The following AK9 variants were observed in gnomAD, a reference collection of about 807,000 sequenced individuals.
AK9 encodes adenylate kinase domain containing 1.
AK9 carries 191 observed loss-of-function variants against 239.6 expected under a neutral mutation model. That is an observed-to-expected ratio of 0.80 (90% confidence interval 0.71 to 0.90). AK9 has a LOEUF of 0.90. AK9 is among the 40% of genes least tolerant of loss of function. AK9 has a pLI of 0.00. For missense variants in AK9, 1,995 were observed against 2,214.7 expected (o/e 0.90, Z 1.99); for synonymous variants, 689 against 721.0 (o/e 0.96, Z 0.71).
In AK9 at chr6:109,602,133, T is replaced by G. The variant is rs1347315129; in HGVS notation, c.1842+8232A>C. 2.0e-5 allele frequency among the ~76,000 whole-genome samples: 3 copies of G among 152,222 alleles called. No individual in the cohort carries two copies. The East Asian group carries it at 5.8e-4, about 29-fold the overall frequency. On this transcript the variant is annotated intron_variant, in intron 17 of 40. Coordinates refer to ENST00000424296, the MANE Select transcript of AK9 (RefSeq NM_001145128.3). Reference sequence around the variant, plus strand: ...TCCTGTCATTATGATATTAGCTGGTTATTTTGCTCATTAGTTGATAGTTTC... The same window carrying G: ...TCCTGTCATTATGATATTAGCTGGTGATTTTGCTCATTAGTTGATAGTTTC...
chr6:109,603,548 G>A (rs554556914), intron 17 of AK9, among the ~76,000 whole-genome samples: 118 of 152,224 alleles, frequency 7.8e-4, no homozygotes, highest in African/African-American at 2.8e-3. Context: ...CAGTCTGTCC[G>A]TTCTGAGATC....
At chr6:109,641,476 T>C in intron 10 of AK9, 42 bp downstream of exon 10, 1 of 1,491,050 alleles carries the variant, frequency 6.7e-7, no homozygotes. Context: ...GCCCACAACA[T>C]ATATTGAAAA....
intron 20 of AK9, among the ~76,000 whole-genome samples, chr6:109,577,926 T>C (rs200801933): frequency 1.7e-5 from 2 of 115,924 alleles, no homozygotes; most frequent in Non-Finnish European, 3.8e-5. Flanking sequence ...TTCTTTCTTT[T>C]CTTCCTTTCT....
chr6:109,554,441 A>G (rs1784718088), intron 24 of AK9, among the ~76,000 whole-genome samples: 2 of 152,020 alleles, frequency 1.3e-5, no homozygotes, highest in South Asian at 4.2e-4. Context: ...GTATGTGTCC[A>G]GGAATTTATT....
At chr6:109,584,072 T>A (rs1789182778) in intron 19 of AK9, among the ~76,000 whole-genome samples, 1 of 152,204 alleles carries the variant, frequency 6.6e-6, no homozygotes, top group Admixed American at 6.5e-5. Context: ...AAGTACTGTT[T>A]GGTCAATATA....
chr6:109,495,691 A>G (rs1776961077), intron 38 of AK9, among the ~76,000 whole-genome samples: 1 of 152,074 alleles, frequency 6.6e-6, no homozygotes, highest in African/African-American at 2.4e-5. Context: ...TATTTTCCTT[A>G]AACTTCTGAC....
chr6:109,596,797 T>C (rs1278914621), intron 17 of AK9, among the ~76,000 whole-genome samples: 2 of 152,244 alleles, frequency 1.3e-5, no homozygotes, highest in African/African-American at 4.8e-5. Flanking sequence ...AGAGCTGCGA[T>C]AAATATATGA....
rs553154071 is a variant in AK9 at position 109,619,097 on chromosome 6, T to C, written c.1394A>G (p.Lys465Arg). The C allele has an allele frequency of 6.5e-7, 1 of 1,536,898 alleles. No homozygotes were observed. The highest frequency in any genetic ancestry group is 2.5e-5 in the East Asian group (1 of 40,588). Residue 465 changes from lysine to arginine, a missense_variant, in exon 13 of 41, where the codon AAA becomes AGA. Lys to Arg is a conservative substitution (Grantham distance 26). This residue lies in a region of AK9 where 1,290 missense variants were observed against 1,392.7 expected (regional missense o/e 0.93). Coordinates refer to ENST00000424296, the MANE Select transcript of AK9 (RefSeq NM_001145128.3). ...EKLLRELQAR[K>R]QAETALREFQ... ...ATTTTAAAAAGATGTTTCACCTTGTTTTCTAGCTTGCAGTTCCCTGAGAAG... is the reference window on the plus strand; with the variant it reads ...ATTTTAAAAAGATGTTTCACCTTGTCTTCTAGCTTGCAGTTCCCTGAGAAG...
At chr6:109,539,683 T>G (rs184118825) in intron 27 of AK9, among the ~76,000 whole-genome samples, 40 of 152,322 alleles carry the variant, frequency 2.6e-4, no homozygotes, top group Admixed American at 2.0e-3. Flanking sequence ...GGCGCTCTGA[T>G]TTTTAGAATT....
At chr6:109,621,436 T>C (rs1325768661) in intron 12 of AK9, among the ~76,000 whole-genome samples, 4 of 24,346 alleles carry the variant, frequency 1.6e-4, no homozygotes, top group African/African-American at 7.2e-4. Context: ...TAAAGACACA[T>C]GCACACGTAT....
chr6:109,535,929 T>C (rs1186531427), intron 27 of AK9, among the ~76,000 whole-genome samples: 6 of 152,202 alleles, frequency 3.9e-5, no homozygotes, highest in African/African-American at 1.4e-4. Flanking sequence ...TGTGTGGTAT[T>C]ACCTCTGAGG....
intron 32 of AK9, among the ~76,000 whole-genome samples, chr6:109,512,890 C>T (rs142606805): frequency 7.2e-5 from 11 of 152,308 alleles, no homozygotes; most frequent in Admixed American, 3.3e-4. Flanking sequence ...TTGAGACAGG[C>T]TCTCACTCTG....
rs1284765763 is a variant in AK9 at position 109,590,113 on chromosome 6, T to C, written c.1843-4041A>G. Among the ~76,000 whole-genome samples, 4 of 152,176 alleles carry C rather than the reference T, an allele frequency of 2.6e-5. No individual in the cohort carries two copies. The East Asian group carries it at 5.8e-4, about 22-fold the overall frequency. On this transcript the variant is annotated intron_variant, in intron 17 of 40. Transcript: ENST00000424296. ...TTAGGGAGGATTCACTCCTCCTTGA[T>C]GTTTTGGAACAGTTTTAGTAGAATT...
chr6:109,595,767 T>C (rs1790938122), intron 17 of AK9, among the ~76,000 whole-genome samples: 1 of 151,990 alleles, frequency 6.6e-6, no homozygotes, highest in African/African-American at 2.4e-5. Flanking sequence ...AACCAAACAC[T>C]GCATGTTCTC....
intron 24 of AK9, 68 bp from the exon 25 acceptor site, chr6:109,550,370 A>T: frequency 2.9e-6 from 4 of 1,397,726 alleles, no homozygotes; most frequent in East Asian, 2.3e-5. Flanking sequence ...ATAATTTTTT[A>T]AAATGCTTCT....
intron 17 of AK9, among the ~76,000 whole-genome samples, chr6:109,603,467 TGTCA>T (rs1429649826): frequency 6.6e-6 from 1 of 152,138 alleles, no homozygotes; most frequent in African/African-American, 2.4e-5. Context: ...CCGTGTGAGG[TGTCA>T]GTCTGCCCCT....
rs977708082 is a variant in AK9, at chr6:109,564,307, A to C, written c.2435-27T>G. On this transcript the variant is annotated intron_variant, in intron 22 of 40. Coordinates refer to ENST00000424296, the MANE Select transcript of AK9 (RefSeq NM_001145128.3). Reference sequence around the variant, plus strand: ...TTTGGAGTAAAAGACAAAGGAAAGAAAAAAGGGGCTTTAAATATCCTATCT... The same window carrying C: ...TTTGGAGTAAAAGACAAAGGAAAGACAAAAGGGGCTTTAAATATCCTATCT... The C allele has an allele frequency of 1.5e-5, 23 of 1,500,862 alleles. No homozygotes were observed. The Admixed American group carries it at 5.1e-4, about 34-fold the overall frequency. The allele number at this position is 1,500,862 out of a possible 1,614,324, so 93.0% of individuals were successfully genotyped here.
rs1781529502 is a variant in AK9 at position 109,533,349 on chromosome 6, C to T, written c.3472G>A (p.Asp1158Asn). The T allele has an allele frequency of 6.8e-6, 11 of 1,611,412 alleles. No homozygotes were observed. The highest frequency in any genetic ancestry group is 9.3e-6 in the Non-Finnish European group (11 of 1,178,964). The change falls in exon 28 of 41, where the codon GAT becomes AAT. Residue 1158 changes from aspartate (D) to asparagine (N), a missense_variant. Physicochemically the swap from Asp to Asn is conservative, Grantham distance 23. Transcript: ENST00000424296. ...FIQVDDQDIF[D>N]RLLPAQIEKW... is the part of the protein sequence containing the mutation. ...TCAATTTGGGCAGGAAGGAGGCGAT[C>T]AAAAATATCTTGATCATCAACTTGT... is the stretch of plus-strand genomic sequence containing the variant.
chr6:109,688,387 A>G (rs534426427), intron 1 of AK9, among the ~76,000 whole-genome samples: 2 of 152,300 alleles, frequency 1.3e-5, no homozygotes, highest in South Asian at 4.1e-4. Context: ...GGCCAGCACC[A>G]CTACCTAAAG....
Sources: gnomAD v4.1 joint callset for allele counts (sites outside exome capture counted in the v4.1 genomes callset) on GRCh38, gnomAD v4.1.1 for gene constraint, gnomAD v4.1.1 regional missense constraint, MANE v1.5 for transcripts, NCBI Gene and HGNC (gene_info 2026-07-23, HGNC 2026-07-21) for gene names.